The following TACC2 variants were observed in gnomAD, a reference collection of about 807,000 sequenced individuals.
TACC2 encodes the protein transforming acidic coiled-coil-containing protein 2.
A neutral mutation model predicts 227.3 loss-of-function variants in TACC2; 137 were observed. The ratio of observed to expected loss-of-function variants is 0.60; its 90% CI spans 0.52 to 0.69. TACC2 has a LOEUF of 0.69. Ranked by LOEUF, TACC2 falls within the 30% of genes least tolerant of loss-of-function variation. TACC2 has a pLI of 0.00. For synonymous variants in TACC2, 1,523 were observed against 1,487.5 expected, an observed-to-expected ratio of 1.02 and a Z score of -0.55; for missense variants, 3,470 against 3,694.4, an observed-to-expected ratio of 0.94 and a Z score of 1.57.
At chr10:122,117,101 G>A (rs993608532) in intron 5 of TACC2, among the ~76,000 whole-genome samples, 2 of 151,658 alleles carry the variant, frequency 1.3e-5, no homozygotes, top group African/African-American at 2.4e-5. Flanking sequence ...AAATCAGCAT[G>A]CTCACAACAT....
chr10:122,131,599 C>T (rs2088117977), intron 5 of TACC2, among the ~76,000 whole-genome samples: 2 of 152,328 alleles, frequency 1.3e-5, no homozygotes, highest in South Asian at 2.1e-4. Context: ...GCTGGGGTTT[C>T]TCAACCTTGG....
intron 7 of TACC2, among the ~76,000 whole-genome samples, chr10:122,162,716 G>T (rs984441160): frequency 1.3e-5 from 2 of 152,210 alleles, no homozygotes; most frequent in African/African-American, 4.8e-5. Flanking sequence ...TGGGTGACAT[G>T]CTGCCAGCTA....
At position 122,083,199 on chromosome 10, in the gene TACC2, C is replaced by A. The variant is rs2137083463; in HGVS notation, c.699C>A (p.Gly233=). The A allele has an allele frequency of 6.2e-7, 1 of 1,613,444 alleles. No homozygotes were observed. The highest frequency in any genetic ancestry group is 8.5e-7 in the Non-Finnish European group (1 of 1,180,014). The change falls in exon 4 of 23, where the codon GGC becomes GGA. Residue 233 remains glycine (G), a synonymous_variant. Transcript: ENST00000369005. ...FESQEKEAAG[G]FPPAESRQGV... ...CCCAAGAGAAAGAGGCTGCAGGTGG[C>A]TTTCCCCCTGCAGAGTCCAGGCAGG...
At chr10:122,212,897 G>C (rs2095325766) in intron 9 of TACC2, among the ~76,000 whole-genome samples, 1 of 152,216 alleles carries the variant, frequency 6.6e-6, no homozygotes, top group South Asian at 2.1e-4. Context: ...TTCAAGCCTG[G>C]AATAGGAGAA....
Position 122,085,997 on chromosome 10 carries a change from T to A in TACC2, c.3497T>A (p.Leu1166His). ...SCGLLQTEHC[L>H]TSGEEASTSA... ...GGCCTCCTTCAGACTGAGCACTGCC[T>A]TACCTCCGGGGAGGAAGCTTCTACC... The change falls in exon 4 of 23, where the codon CTT becomes CAT. Residue 1166 changes from leucine to histidine, a missense_variant. Physicochemically the swap from Leu to His is moderately conservative, Grantham distance 99. This residue lies in a region of TACC2 where 1,924 missense variants were observed against 1,978.3 expected (regional missense o/e 0.97). Transcript: ENST00000369005. The A allele has an allele frequency of 6.2e-7, 1 of 1,613,940 alleles. No individual in the cohort carries two copies. Among genetic ancestry groups the A allele is most frequent in the South Asian group, 1.1e-5 (1 of 91,072 alleles).
intron 8 of TACC2, among the ~76,000 whole-genome samples, chr10:122,208,789 A>G (rs2095211474): frequency 1.3e-5 from 2 of 152,228 alleles, no homozygotes; most frequent in Admixed American, 1.3e-4. Flanking sequence ...ACGCTGTCCC[A>G]GGTCTTACCT....
intron 2 of TACC2, among the ~76,000 whole-genome samples, chr10:122,042,535 A>G (rs560210310): frequency 6.6e-6 from 1 of 152,306 alleles, no homozygotes; most frequent in South Asian, 2.1e-4. Context: ...GAGCCACTGC[A>G]CCCAGCCTGA....
intron 1 of TACC2, among the ~76,000 whole-genome samples, chr10:122,010,141 C>T (rs752545234): frequency 1.3e-5 from 2 of 152,052 alleles, no homozygotes; most frequent in Non-Finnish European, 2.9e-5. Context: ...TAGTTGGCAC[C>T]GACACTATCC....
rs529133078 is a variant in TACC2, at chr10:122,077,705, C to G, written c.147-4942C>G. On this transcript the variant is annotated intron_variant, in intron 3 of 22. Transcript: ENST00000369005. ...GAGGATGGGAGAAGGGAATGCTGCA[C>G]TTGTTCGGTGAGAGGCTGGTGCAGG... 2.2e-4 allele frequency among the ~76,000 whole-genome samples: 34 copies of G among 152,334 alleles called. 1 individual carries two copies. The South Asian group carries it at 6.2e-3, about 28-fold the overall frequency.
At position 122,211,073 on chromosome 10, in the gene TACC2, G is replaced by A. The variant is rs149346540; in HGVS notation, c.6648G>A (p.Pro2216=). 1.8e-5 allele frequency: 29 copies of A among 1,612,478 alleles called. No homozygotes were observed. Among genetic ancestry groups the A allele is most frequent in the Middle Eastern group, 3.3e-4 (2 of 6,060 alleles). Reference sequence around the variant, plus strand: ...AGAGTGCAGAAGGGGTTGTCCCCCCGGCTTCTGGAGGTGGCAGAGTGCAGA... The same window carrying A: ...AGAGTGCAGAAGGGGTTGTCCCCCCAGCTTCTGGAGGTGGCAGAGTGCAGA... ...DSESAEGVVP[P]ASGGGRVQNS... The change falls in exon 9 of 23, where the codon CCG becomes CCA. Residue 2216 remains proline (P), a synonymous_variant. Transcript: ENST00000369005.
At chr10:122,054,839 G>A (rs1336404614) in intron 3 of TACC2, among the ~76,000 whole-genome samples, 1 of 152,174 alleles carries the variant, frequency 6.6e-6, no homozygotes, top group Non-Finnish European at 1.5e-5. Context: ...ACAAGGCTTT[G>A]TGAGGGGCTT....
Position 122,084,245 on chromosome 10 carries a change from C to A in TACC2, c.1745C>A (p.Ala582Asp). 6.2e-7 allele frequency: 1 copy of A among 1,614,042 alleles called. No individual in the cohort carries two copies. Among genetic ancestry groups the A allele is most frequent in the Non-Finnish European group, 8.5e-7 (1 of 1,180,034 alleles). Reference sequence around the variant, plus strand: ...GACAGCCCTGGAGGAAAGGAGGAAGCCCCAGAGCCACCTGATGGTGGAGAC... The same window carrying A: ...GACAGCCCTGGAGGAAAGGAGGAAGACCCAGAGCCACCTGATGGTGGAGAC... Reference protein sequence around the residue: ...PGDSPGGKEEAPEPPDGGDPG... With the variant: ...PGDSPGGKEEDPEPPDGGDPG... Residue 582 changes from alanine to aspartate, a missense_variant, in exon 4 of 23, where the codon GCC (alanine) becomes GAC (aspartate). Physicochemically the swap from Ala to Asp is moderately radical, Grantham distance 126 (BLOSUM62 -2). Transcript: ENST00000369005.
chr10:122,031,478 C>A (rs1052164562), intron 2 of TACC2, among the ~76,000 whole-genome samples: 5 of 145,374 alleles, frequency 3.4e-5, no homozygotes, highest in African/African-American at 1.3e-4. Context: ...AATCTCGGCT[C>A]ACTGCAACCT....
chr10:122,219,362 C>G (rs984959968), intron 11 of TACC2, among the ~76,000 whole-genome samples: 3 of 152,158 alleles, frequency 2.0e-5, no homozygotes, highest in Admixed American at 6.5e-5. Context: ...TATGAAACAC[C>G]GTAATAATGA....
intron 3 of TACC2, among the ~76,000 whole-genome samples, chr10:122,077,208 G>T (rs1003372731): frequency 6.6e-6 from 1 of 151,942 alleles, no homozygotes; most frequent in Non-Finnish European, 1.5e-5. Flanking sequence ...CTTGATTTGG[G>T]TTCAGTTGTT....
At chr10:122,217,511 T>C (rs2095434685) in intron 11 of TACC2, among the ~76,000 whole-genome samples, 1 of 146,084 alleles carries the variant, frequency 6.8e-6, no homozygotes, top group Non-Finnish European at 1.5e-5. Flanking sequence ...CGATCTTGGC[T>C]CACTGCAACC....
Position 122,087,266 on chromosome 10 carries a change from TG to T in TACC2, c.4768del (p.Ala1590ProfsTer52). The T allele has an allele frequency of 6.2e-7, 1 of 1,613,790 alleles. No homozygotes were observed. Among genetic ancestry groups the T allele is most frequent in the Non-Finnish European group, 8.5e-7 (1 of 1,180,026 alleles). On this transcript the variant is annotated frameshift_variant, in exon 4 of 23. Coordinates refer to ENST00000369005, the MANE Select transcript of TACC2 (RefSeq NM_206862.4). LOFTEE classifies it high-confidence loss of function. ...VAPHSHGEEAVAQDRIPSGKQ... is the reference protein window; with the variant it reads ...VAPHSHGEEAXAQDRIPSGKQ... The stretch of plus-strand genomic sequence containing the variant: ...CCCCATAGCCATGGAGAAGAGGCCG[TG>T]GCCCAAGACAGAATTCCTTCTGGAA...
intron 3 of TACC2, among the ~76,000 whole-genome samples, chr10:122,063,290 C>CT (rs1196321864): frequency 6.6e-6 from 1 of 152,222 alleles, no homozygotes. Context: ...TGGGAGGACT[C>CT]TAAGATCAAT....
At chr10:122,242,723 A>C (rs991646594) in intron 19 of TACC2, among the ~76,000 whole-genome samples, 6 of 152,118 alleles carry the variant, frequency 3.9e-5, no homozygotes, top group Non-Finnish European at 7.3e-5. Flanking sequence ...AATGGTCACT[A>C]TTCAGAAATC....
Sources: gnomAD v4.1 joint callset for allele counts (sites outside exome capture counted in the v4.1 genomes callset) on GRCh38, gnomAD v4.1.1 for gene constraint, gnomAD v4.1.1 regional missense constraint, MANE v1.5 for transcripts, NCBI Gene and HGNC (gene_info 2026-07-23, HGNC 2026-07-21) for gene names.